Variants in PTPRM observed in about 807,000 individuals in gnomAD.
PTPRM encodes the protein receptor-type tyrosine-protein phosphatase mu.
A neutral mutation model predicts 186.7 loss-of-function variants in PTPRM; 47 were observed. The observed-to-expected ratio is 0.25, with a 90% CI of 0.20 to 0.32. The LOEUF is 0.32. Ranked by LOEUF, PTPRM falls within the 10% of genes least tolerant of loss-of-function variation. PTPRM has a pLI of 1.00. For synonymous variants in PTPRM, 668 were observed against 674.9 expected (o/e 0.99, Z 0.16); for missense variants, 1,494 against 1,865.0 (o/e 0.80, Z 3.66).
intron 5 of PTPRM, among the ~76,000 whole-genome samples, chr18:7,939,281 C>G (rs962052374): frequency 1.9e-4 from 18 of 95,226 alleles, no homozygotes; most frequent in African/African-American, 8.3e-4. Flanking sequence ...TCAGAGCTCC[C>G]TGCCTGATGC....
rs370746043 is a variant in PTPRM, at chr18:7,842,947, T to TATATATATATAGAGAGAG, written c.197-45158_197-45157insTATATATATAGAGAGAGA. 5.2e-4 allele frequency among the ~76,000 whole-genome samples: 58 copies of TATATATATATAGAGAGAG among 112,106 alleles called. 1 individual carries two copies. The highest frequency in any genetic ancestry group is 4.7e-3 in the East Asian group (15 of 3,212). 73.5% of individuals were successfully genotyped at this position (112,106 alleles called of 152,430 possible). On this transcript the variant is annotated intron_variant, in intron 2 of 32. Transcript: ENST00000580170. ...GTGTGTGTGTATATATATATATATA[T>TATATATATATAGAGAGAG]AGAGAGAGAGAGAGAGAGAGAGAGA...
Position 7,762,004 on chromosome 18 carries a change from C to A in PTPRM, c.74-12145C>A, listed in dbSNP as rs146608844. On this transcript the variant is annotated intron_variant, in intron 1 of 32. Coordinates refer to ENST00000580170, the MANE Select transcript of PTPRM (RefSeq NM_001105244.2). ...TTATTCTTACCTTTGTTACAAAAAA[C>A]TTTACAACATTCTGTTAAATCTAGC... 1.8e-3 allele frequency among the ~76,000 whole-genome samples: 277 copies of A among 152,280 alleles called. 1 individual carries two copies. Among genetic ancestry groups the A allele is most frequent in the African/African-American group, 5.9e-3 (244 of 41,568 alleles).
At chr18:8,139,794 A>G (rs1416022147) in intron 13 of PTPRM, among the ~76,000 whole-genome samples, 1 of 150,256 alleles carries the variant, frequency 6.7e-6, no homozygotes, top group Non-Finnish European at 1.5e-5. Flanking sequence ...TTCACCCCCC[A>G]GCCCACTCCC....
chr18:8,270,056 A>G (rs1296761753), intron 19 of PTPRM: 2 of 152,044 alleles, frequency 1.3e-5, no homozygotes, highest in Admixed American at 1.3e-4. Context: ...CAAAGACATA[A>G]GCAACAAAAC....
chr18:7,634,122 A>G (rs1370349382), intron 1 of PTPRM, among the ~76,000 whole-genome samples: 3 of 152,032 alleles, frequency 2.0e-5, no homozygotes, highest in Non-Finnish European at 4.4e-5. Context: ...ATGCTCCTCA[A>G]ACACTCAAGC....
chr18:7,656,852 A>G (rs1598311181), intron 1 of PTPRM, among the ~76,000 whole-genome samples: 1 of 152,210 alleles, frequency 6.6e-6, no homozygotes, highest in South Asian at 2.1e-4. Context: ...TCCTGAGAAC[A>G]GGTAGCCAGC....
intron 1 of PTPRM, among the ~76,000 whole-genome samples, chr18:7,578,674 G>T (rs2036763701): frequency 6.9e-6 from 1 of 145,160 alleles, no homozygotes; most frequent in Non-Finnish European, 1.5e-5. Context: ...GTCTTGCTTT[G>T]TTGCCTTGGC....
At chr18:8,379,377 G>A (rs2095716996) in intron 28 of PTPRM, 37 bp downstream of exon 28, 1 of 1,548,822 alleles carries the variant, frequency 6.5e-7, no homozygotes, top group Non-Finnish European at 8.7e-7. Flanking sequence ...CCGAGGCTGG[G>A]GTGTTTGGGG....
intron 1 of PTPRM, chr18:7,747,467 A>G (rs2041020073): frequency 6.6e-6 from 1 of 152,306 alleles, no homozygotes; most frequent in African/African-American, 2.4e-5. Context: ...ATTGTCTCAC[A>G]GTTCGGGAGA....
chr18:7,607,229 C>A (rs2143810741), intron 1 of PTPRM, among the ~76,000 whole-genome samples: 2 of 152,238 alleles, frequency 1.3e-5, no homozygotes, highest in Admixed American at 1.3e-4. Context: ...GATGCAGAAA[C>A]TGAGATCTGG....
intron 30 of PTPRM, among the ~76,000 whole-genome samples, chr18:8,385,001 G>A (rs2095762759): frequency 6.6e-6 from 1 of 152,194 alleles, no homozygotes; most frequent in Non-Finnish European, 1.5e-5. Context: ...GGCATGGGCA[G>A]GCAGGAATTT....
At position 8,150,478 on chromosome 18, in the gene PTPRM, T is replaced by C. The variant is rs117720846; in HGVS notation, c.2300+6699T>C. Reference sequence around the variant, plus strand: ...TGTATGCTTCACAAAGTTCTCGTGCTGTGCTTTTCAGCTCTATGAGGTCAT... The same window carrying C: ...TGTATGCTTCACAAAGTTCTCGTGCCGTGCTTTTCAGCTCTATGAGGTCAT... On this transcript the variant is annotated intron_variant, in intron 14 of 32. Transcript: ENST00000580170. Among the ~76,000 whole-genome samples, 472 of 152,288 alleles carry C rather than the reference T, an allele frequency of 3.1e-3. 15 individuals are homozygous for C. The East Asian group carries it at 0.087, about 28-fold the overall frequency.
At chr18:7,980,523 A>T (rs1403904323) in intron 7 of PTPRM, among the ~76,000 whole-genome samples, 4 of 152,036 alleles carry the variant, frequency 2.6e-5, no homozygotes, top group Non-Finnish European at 5.9e-5. Context: ...AGCTAGGACT[A>T]CAGGCACATG....
At chr18:7,780,867 A>T in intron 2 of PTPRM, among the ~76,000 whole-genome samples, 1 of 152,262 alleles carries the variant, frequency 6.6e-6, no homozygotes, top group East Asian at 1.9e-4. Flanking sequence ...CCAAGAGGCC[A>T]TGGAGGCTGA....
rs140438598 is a variant in PTPRM at position 8,336,467 on chromosome 18, A to G, written c.2957-6956A>G. ...CTCAGGAGGCTGAGGTGGGAGGATCACTTGAATCAAGGAGGTCAAGGCTAC... is the reference window on the plus strand; with the variant it reads ...CTCAGGAGGCTGAGGTGGGAGGATCGCTTGAATCAAGGAGGTCAAGGCTAC... On this transcript the variant is annotated intron_variant, in intron 22 of 32. Coordinates refer to ENST00000580170, the MANE Select transcript of PTPRM (RefSeq NM_001105244.2). 8.9e-3 allele frequency among the ~76,000 whole-genome samples: 1,358 copies of G among 151,952 alleles called. 6 individuals are homozygous for G. Among genetic ancestry groups the G allele is most frequent in the African/African-American group, 0.014 (598 of 41,446 alleles).
chr18:7,735,422 C>T (rs911349288), intron 1 of PTPRM, among the ~76,000 whole-genome samples: 4 of 151,824 alleles, frequency 2.6e-5, no homozygotes, highest in Non-Finnish European at 5.9e-5. Flanking sequence ...GACTCTGTCT[C>T]AAAAGCAAGC....
chr18:8,354,892 G>C (rs1353462339), intron 23 of PTPRM, among the ~76,000 whole-genome samples: 3 of 152,230 alleles, frequency 2.0e-5, no homozygotes, highest in Non-Finnish European at 4.4e-5. Context: ...GCAGCACCTA[G>C]AAGGGAACAG....
chr18:7,705,806 G>A (rs2040074521), intron 1 of PTPRM, among the ~76,000 whole-genome samples: 2 of 151,284 alleles, frequency 1.3e-5, no homozygotes, highest in Non-Finnish European at 1.5e-5. Flanking sequence ...TAGTCCTCCT[G>A]CCTCAGCCTC....
At position 7,985,432 on chromosome 18, in the gene PTPRM, G is replaced by T. The variant is rs187747466; in HGVS notation, c.1132+30018G>T. Among the ~76,000 whole-genome samples the T allele has an allele frequency of 2.4e-3, 311 of 130,172 alleles. 4 individuals carry two copies. The highest frequency in any genetic ancestry group is 7.4e-3 in the African/African-American group (237 of 31,958). The allele number at this position is 130,172 out of a possible 152,430, so 85.4% of individuals were successfully genotyped here. A position where few individuals can be genotyped will look rare whatever the true frequency, so the allele number is the denominator to read the frequency against. ...ATATAAATATATACATATACTGGTA[G>T]ATACGTATATAAATATATACATATA... On this transcript the variant is annotated intron_variant, in intron 7 of 32. Coordinates refer to ENST00000580170, the MANE Select transcript of PTPRM (RefSeq NM_001105244.2).
Sources: gnomAD v4.1 joint callset for allele counts (sites outside exome capture counted in the v4.1 genomes callset) on GRCh38, gnomAD v4.1.1 for gene constraint, MANE v1.5 for transcripts, NCBI Gene and HGNC (gene_info 2026-07-23, HGNC 2026-07-21) for gene names.